Variants in DYNC2LI1 observed in about 807,000 individuals in gnomAD.
The protein encoded by DYNC2LI1 is cytoplasmic dynein 2 light intermediate chain 1.
Under a neutral mutation model 51.9 loss-of-function variants are expected in DYNC2LI1, and 45 were observed. The ratio of observed to expected loss-of-function variants is 0.87; its 90% CI spans 0.68 to 1.11. DYNC2LI1 has a LOEUF of 1.11. Among genes scored for constraint, DYNC2LI1 ranks in the 50% most tolerant of loss-of-function variants. The probability of loss-of-function intolerance (pLI) is 0.00; values close to 1 mark genes in which losing one functional copy is unlikely to be tolerated. For synonymous variants in DYNC2LI1, 130 were observed against 137.8 expected, an observed-to-expected ratio of 0.94 and a Z score of 0.40; for missense variants, 490 against 417.4, an observed-to-expected ratio of 1.17 and a Z score of -1.51.
In DYNC2LI1 at chr2:43,777,529, C is replaced by G. The variant is rs557505003; in HGVS notation, c.126+630C>G. On this transcript the variant is annotated intron_variant, in intron 2 of 12. Transcript: ENST00000260605. ...CAGGAAGGCAAAATGACTGGTGACACAAAAAGGTCAAGGCTTGCCAGATGC... is the reference window on the plus strand; with the variant it reads ...CAGGAAGGCAAAATGACTGGTGACAGAAAAAGGTCAAGGCTTGCCAGATGC... Among the ~76,000 whole-genome samples the G allele has an allele frequency of 7.2e-5, 11 of 152,356 alleles. No individual in the cohort carries two copies. The South Asian group carries it at 2.3e-3, about 32-fold the overall frequency.
downstream of DYNC2LI1, among the ~76,000 whole-genome samples, chr2:43,812,045 T>C (rs976739351): frequency 1.3e-5 from 2 of 151,940 alleles, no homozygotes; most frequent in Non-Finnish European, 2.9e-5. Flanking sequence ...TGTCAGCACT[T>C]TTTTTCTTTC....
intron 11 of DYNC2LI1, 56 bp downstream of exon 11, chr2:43,804,795 A>G: frequency 9.3e-7 from 1 of 1,079,360 alleles, no homozygotes; most frequent in Non-Finnish European, 1.3e-6. Context: ...TAACAGTTAT[A>G]GGAAATGTGT....
rs569769622 is a variant in DYNC2LI1 at position 43,792,874 on chromosome 2, A to G, written c.321-1583A>G. On this transcript the variant is annotated intron_variant, in intron 5 of 12. Coordinates refer to ENST00000260605, the MANE Select transcript of DYNC2LI1 (RefSeq NM_016008.4). ...AAATAATGTTCCATTGTGTAAACAA[A>G]TACCACAGTTCAGTTATCCGTTAAT... 4 of 1,396,138 alleles carry G rather than the reference A, an allele frequency of 2.9e-6. No individual in the cohort carries two copies. The South Asian group carries it at 6.3e-5, about 22-fold the overall frequency. 86.5% of individuals were successfully genotyped at this position (1,396,138 alleles called of 1,614,324 possible). A position where few individuals can be genotyped will look rare whatever the true frequency, so the allele number is the denominator to read the frequency against.
intron 8 of DYNC2LI1, among the ~76,000 whole-genome samples, chr2:43,798,990 AT>A (rs2104704593): frequency 6.6e-6 from 1 of 152,250 alleles, no homozygotes; most frequent in East Asian, 1.9e-4. Flanking sequence ...ATTATGAACA[AT>A]CTAATTAAGT....
At chr2:43,814,424 A>C (rs1666685209), downstream of DYNC2LI1, 3 of 1,146,716 alleles carry the variant, frequency 2.6e-6, no homozygotes, top group Non-Finnish European at 3.9e-6. Flanking sequence ...CCTCCAAGAA[A>C]TTGCTTCCTC....
Position 43,801,648 on chromosome 2 carries a change from A to C in DYNC2LI1, c.741A>C (p.Ile247=), listed in dbSNP as rs758235174. The change falls in exon 10 of 13, where the codon ATA becomes ATC. Residue 247 remains isoleucine (I), a synonymous_variant. Transcript: ENST00000260605. ...TCTCTTCTCCACGTAGCAAATCAAT[A>C]TGTGTGGATCAGAATAAACCGCTGT... ...LAFGIDKSKS[I]CVDQNKPLFI... The C allele has an allele frequency of 1.9e-6, 3 of 1,608,512 alleles. No individual in the cohort carries two copies. The highest frequency in any genetic ancestry group is 2.5e-6 in the Non-Finnish European group (3 of 1,177,060).
intron 12 of DYNC2LI1, among the ~76,000 whole-genome samples, chr2:43,808,368 C>T (rs533581162): frequency 6.6e-6 from 1 of 151,898 alleles, no homozygotes; most frequent in Non-Finnish European, 1.5e-5. Flanking sequence ...ATGAAAGGTA[C>T]GCTCTGCAAT....
chr2:43,826,444 G>C, the DYNC2LI1 span: 2 of 1,614,172 alleles, frequency 1.2e-6, no homozygotes, highest in Non-Finnish European at 1.7e-6. Flanking sequence ...CTGCGAGCCA[G>C]TTCCACCAGG....
chr2:43,788,256 T>C (rs116559210), intron 4 of DYNC2LI1, among the ~76,000 whole-genome samples: 3,284 of 152,334 alleles, frequency 0.022, 122 homozygotes, highest in African/African-American at 0.073. Flanking sequence ...GATTCAAATA[T>C]GAACAGCCAA....
At chr2:43,799,375 G>T (rs1055846601) in intron 8 of DYNC2LI1, among the ~76,000 whole-genome samples, 2 of 152,142 alleles carry the variant, frequency 1.3e-5, no homozygotes, top group African/African-American at 4.8e-5. Flanking sequence ...AATCAGAGAA[G>T]AGCCATGAGG....
chr2:43,815,624 G>A, the DYNC2LI1 span, among the ~76,000 whole-genome samples: 3 of 152,182 alleles, frequency 2.0e-5, no homozygotes, highest in Non-Finnish European at 4.4e-5. Context: ...GGAATTAGGG[G>A]AAGAGGATGG....
At chr2:43,803,470 A>G (rs1003938049) in intron 10 of DYNC2LI1, among the ~76,000 whole-genome samples, 1 of 152,172 alleles carries the variant, frequency 6.6e-6, no homozygotes. Context: ...GAAATGAAAA[A>G]CATTTTAGAA....
At chr2:43,799,662 A>G (rs1239447256) in intron 8 of DYNC2LI1, among the ~76,000 whole-genome samples, 1 of 152,218 alleles carries the variant, frequency 6.6e-6, no homozygotes, top group Non-Finnish European at 1.5e-5. Flanking sequence ...TTTGTGAAGG[A>G]TGTTTTAGAA....
At position 43,801,802 on chromosome 2, in the gene DYNC2LI1, T is replaced by A. The variant is rs567180157; in HGVS notation, c.802+93T>A. The stretch of plus-strand genomic sequence containing the variant: ...TCACTTTGTCTCCAACATACTCCTA[T>A]TTCTGGTTTCATTATCATTGCTGTT... On this transcript the variant is annotated intron_variant, in intron 10 of 12. Transcript: ENST00000260605. 30 of 885,502 alleles carry A rather than the reference T, an allele frequency of 3.4e-5. No homozygotes were observed. The East Asian group carries it at 6.6e-4, about 20-fold the overall frequency. The allele number at this position is 885,502 out of a possible 1,614,324, so 54.9% of individuals were successfully genotyped here.
At chr2:43,826,640 G>C in the DYNC2LI1 span, 1 of 1,483,780 alleles carries the variant, frequency 6.7e-7, no homozygotes, top group Non-Finnish European at 9.3e-7. Context: ...AGTGTGCGGT[G>C]GGAAGTAAAC....
At chr2:43,777,205 G>T (rs910130713) in intron 2 of DYNC2LI1, among the ~76,000 whole-genome samples, 19 of 152,194 alleles carry the variant, frequency 1.2e-4, no homozygotes, top group African/African-American at 4.6e-4. Flanking sequence ...CAGTAAGTCA[G>T]TATCTTAACA....
Position 43,774,096 on chromosome 2 carries a change from C to T in DYNC2LI1, c.-43C>T, listed in dbSNP as rs778481298. ...TCGCCGCCTGATTCTAGGCTGGTCA[C>T]TACTCCGAGCCTGTGACGTTTGCGG... On this transcript the variant is annotated 5_prime_UTR_variant, in exon 1 of 13. Coordinates refer to ENST00000260605, the MANE Select transcript of DYNC2LI1 (RefSeq NM_016008.4). The T allele has an allele frequency of 5.0e-6, 8 of 1,612,868 alleles. No individual in the cohort carries two copies. The highest frequency in any genetic ancestry group is 5.9e-6 in the Non-Finnish European group (7 of 1,179,584).
intron 2 of DYNC2LI1, among the ~76,000 whole-genome samples, chr2:43,781,253 C>T (rs1673264596): frequency 6.6e-6 from 1 of 151,840 alleles, no homozygotes; most frequent in Non-Finnish European, 1.5e-5. Flanking sequence ...CTGGTAATCC[C>T]AGCTACTCCG....
intron 4 of DYNC2LI1, among the ~76,000 whole-genome samples, chr2:43,787,765 AG>A (rs1053307669): frequency 6.6e-6 from 1 of 152,074 alleles, no homozygotes; most frequent in Non-Finnish European, 1.5e-5. Flanking sequence ...ATATGCTGGC[AG>A]GGGGTGGGGT....
Sources: allele counts gnomAD v4.1 joint callset (sites outside exome capture counted in the v4.1 genomes callset), GRCh38; gene constraint gnomAD v4.1.1; transcripts MANE v1.5; gene names NCBI Gene and HGNC (gene_info 2026-07-23, HGNC 2026-07-21).